MED12L: variants seen among roughly 807,000 people sequenced by gnomAD.
The protein encoded by MED12L is mediator of RNA polymerase II transcription subunit 12-like protein.
MED12L carries 60 observed loss-of-function variants against 281.3 expected under a neutral mutation model. That is an observed-to-expected ratio of 0.21 (90% confidence interval 0.17 to 0.26). The LOEUF is 0.26. Among genes scored for constraint, MED12L ranks in the 10% least tolerant of loss-of-function variants. The pLI, the probability that MED12L is intolerant of heterozygous loss-of-function variation, is 1.00. For synonymous variants in MED12L, 974 were observed against 987.2 expected (o/e 0.99, Z 0.25); for missense variants, 2,146 against 2,680.9 (o/e 0.80, Z 4.41).
rs2149975280 is a variant in MED12L, at chr3:151,343,459, C to A, written c.2251-6600C>A. On this transcript the variant is annotated intron_variant, in intron 16 of 44. Transcript: ENST00000687756. ...CAACCACATACCTATTTACAAACCACCTCTGATAACATTTTTTCATTGGAG... is the reference window on the plus strand; with the variant it reads ...CAACCACATACCTATTTACAAACCAACTCTGATAACATTTTTTCATTGGAG... 1.3e-5 allele frequency among the ~76,000 whole-genome samples: 2 copies of A among 152,266 alleles called. 1 individual carries two copies. The highest frequency in any genetic ancestry group is 4.1e-4 in the South Asian group (2 of 4,826).
chr3:151,199,102 A>G (rs771947167), intron 16 of MED12L: 2 of 1,614,056 alleles, frequency 1.2e-6, no homozygotes, highest in South Asian at 2.2e-5. Flanking sequence ...ACATATTGAT[A>G]TAGATGAGGC....
intron 16 of MED12L, chr3:151,294,292 A>G (rs773522593): frequency 4.3e-6 from 7 of 1,613,866 alleles, no homozygotes; most frequent in South Asian, 2.2e-5. Flanking sequence ...AAAATGACCT[A>G]CACATGAAAA....
intron 16 of MED12L, chr3:151,213,129 T>G: frequency 1.9e-6 from 1 of 534,906 alleles, no homozygotes; most frequent in Non-Finnish European, 3.2e-6. Context: ...GTATGTTTTC[T>G]TTGATGTTAC....
chr3:151,281,474 C>A (rs1225362840), intron 16 of MED12L, among the ~76,000 whole-genome samples: 2 of 152,120 alleles, frequency 1.3e-5, no homozygotes, highest in East Asian at 3.9e-4. Context: ...GGTAATGACT[C>A]TTTTCAACAC....
intron 21 of MED12L, among the ~76,000 whole-genome samples, chr3:151,362,148 A>G (rs989245982): frequency 6.6e-6 from 1 of 151,858 alleles, no homozygotes; most frequent in Non-Finnish European, 1.5e-5. Flanking sequence ...CGCTGTGGAT[A>G]CCTCTGCTTG....
intron 14 of MED12L, among the ~76,000 whole-genome samples, chr3:151,191,339 C>T (rs74460650): frequency 0.018 from 2,787 of 152,238 alleles, 89 homozygotes; most frequent in African/African-American, 0.064. Flanking sequence ...TTACTTATAT[C>T]ACTCTTTTAT....
intron 16 of MED12L, chr3:151,198,633 C>T: frequency 6.2e-7 from 1 of 1,613,982 alleles, no homozygotes; most frequent in Non-Finnish European, 8.5e-7. Context: ...GTTATGACTT[C>T]TGTCTGGCTG....
Position 151,179,490 on chromosome 3 carries a change from C to T in MED12L, c.1495-5840C>T, listed in dbSNP as rs543373228. The stretch of plus-strand genomic sequence containing the variant: ...TGTTTTTCTTATGTCCAAAGAATTG[C>T]CTGAAATTTTCACTGCCTCTCACAG... On this transcript the variant is annotated intron_variant, in intron 11 of 44. Coordinates refer to ENST00000687756, the MANE Select transcript of MED12L (RefSeq NM_001393769.1). Among the ~76,000 whole-genome samples the T allele has an allele frequency of 2.6e-5, 4 of 152,212 alleles. No individual in the cohort carries two copies. In the East Asian group the frequency reaches 7.7e-4, roughly 29 times the overall value.
intron 43 of MED12L, 145 bp from the exon 44 acceptor site, chr3:151,430,154 A>T: frequency 1.7e-6 from 2 of 1,190,886 alleles, no homozygotes; most frequent in Non-Finnish European, 2.3e-6. Flanking sequence ...GTAGATGAAA[A>T]TTAATCCACA....
intron 16 of MED12L, chr3:151,316,815 A>AATTTGTT: frequency 6.6e-6 from 1 of 152,352 alleles, no homozygotes; most frequent in Middle Eastern, 3.4e-3. Context: ...CTGCCAGGCG[A>AATTTGTT]CTACTGGAAC....
chr3:151,314,966 C>T (rs888902194), intron 16 of MED12L, among the ~76,000 whole-genome samples: 4 of 152,170 alleles, frequency 2.6e-5, no homozygotes, highest in African/African-American at 9.7e-5. Context: ...CTACTTTAAA[C>T]CCAAACTACT....
At chr3:151,215,618 T>G (rs1486408939) in intron 16 of MED12L, among the ~76,000 whole-genome samples, 2 of 152,196 alleles carry the variant, frequency 1.3e-5, no homozygotes, top group Non-Finnish European at 2.9e-5. Flanking sequence ...TCGGAAGTGT[T>G]GATTTAGGGC....
intron 5 of MED12L, among the ~76,000 whole-genome samples, chr3:151,128,488 TC>T (rs1183125056): frequency 1.3e-5 from 2 of 148,848 alleles, no homozygotes; most frequent in African/African-American, 4.9e-5. Context: ...CACCCCCGGC[TC>T]CCCCCCTTCC....
intron 27 of MED12L, among the ~76,000 whole-genome samples, chr3:151,373,876 T>TGAGA (rs765225390): frequency 6.6e-6 from 1 of 152,178 alleles, no homozygotes. Context: ...AGAACGTTAC[T>TGAGA]GAGAAACCAA....
intron 2 of MED12L, among the ~76,000 whole-genome samples, chr3:151,097,256 A>G (rs1423432944): frequency 6.6e-6 from 1 of 152,234 alleles, no homozygotes; most frequent in Non-Finnish European, 1.5e-5. Flanking sequence ...ATGACATTCT[A>G]TATAAATGGA....
intron 16 of MED12L, among the ~76,000 whole-genome samples, chr3:151,251,852 C>A (rs1736916194): frequency 6.6e-6 from 1 of 152,160 alleles, no homozygotes; most frequent in Non-Finnish European, 1.5e-5. Context: ...TTTATTATAT[C>A]CACATGCCAC....
Position 151,345,335 on chromosome 3 carries a change from A to G in MED12L, c.2251-4724A>G, listed in dbSNP as rs542657709. ...AAACAAGAGTAATTTTTGGGTGTTT[A>G]TCTCAGATTATTAATATTACTTACA... On this transcript the variant is annotated intron_variant, in intron 16 of 44. Coordinates refer to ENST00000687756, the MANE Select transcript of MED12L (RefSeq NM_001393769.1). 7.9e-5 allele frequency among the ~76,000 whole-genome samples: 12 copies of G among 152,244 alleles called. No individual in the cohort carries two copies. The South Asian group carries it at 2.5e-3, about 32-fold the overall frequency.
chr3:151,130,445 G>C (rs966568929), intron 5 of MED12L, among the ~76,000 whole-genome samples: 2 of 152,208 alleles, frequency 1.3e-5, no homozygotes, highest in African/African-American at 2.4e-5. Context: ...ACCTTTGCCT[G>C]TCTATGGCAG....
intron 43 of MED12L, 64 bp downstream of exon 43, chr3:151,416,486 C>A: frequency 1.3e-6 from 2 of 1,541,286 alleles, no homozygotes; most frequent in South Asian, 1.2e-5. Flanking sequence ...TTGCATTGTT[C>A]ATGTTCATAA....
Sources: gnomAD v4.1 joint callset for allele counts (sites outside exome capture counted in the v4.1 genomes callset) on GRCh38, gnomAD v4.1.1 for gene constraint, MANE v1.5 for transcripts, NCBI Gene and HGNC (gene_info 2026-07-23, HGNC 2026-07-21) for gene names.